The following SV2C variants were observed in gnomAD, a reference collection of about 807,000 sequenced individuals.
The protein encoded by SV2C is synaptic vesicle glycoprotein 2C.
Under a neutral mutation model 79.7 loss-of-function variants are expected in SV2C, and 49 were observed. The ratio of observed to expected loss-of-function variants is 0.61; its 90% CI spans 0.49 to 0.78. The LOEUF (loss-of-function observed/expected upper bound fraction) is 0.78, where lower values mean the gene tolerates loss of function less well. SV2C is among the 30% of genes least tolerant of loss of function. The pLI, the probability that SV2C is intolerant of heterozygous loss-of-function variation, is 0.00. For missense variants in SV2C, 833 were observed against 912.9 expected, an observed-to-expected ratio of 0.91 and a Z score of 1.13; for synonymous variants, 334 against 333.2, an observed-to-expected ratio of 1.00 and a Z score of -0.03.
chr5:75,913,661 G>C, the SV2C span, among the ~76,000 whole-genome samples: 1 of 152,176 alleles, frequency 6.6e-6, no homozygotes, highest in Non-Finnish European at 1.5e-5. Context: ...GAGACTTCTT[G>C]GCTCCCAGAG....
At chr5:76,198,909 A>G (rs1049246050) in intron 3 of SV2C, among the ~76,000 whole-genome samples, 4 of 152,204 alleles carry the variant, frequency 2.6e-5, no homozygotes, top group South Asian at 4.1e-4. Flanking sequence ...CAAGTTGCTT[A>G]CAGTCTGTAC....
chr5:75,973,338 A>T, the SV2C span, among the ~76,000 whole-genome samples: 412 of 127,648 alleles, frequency 3.2e-3, no homozygotes, highest in African/African-American at 0.011. Flanking sequence ...TAATAAAATA[A>T]AAAAAAATTA....
At chr5:76,218,737 C>CAA (rs1744977045) in intron 4 of SV2C, among the ~76,000 whole-genome samples, 1 of 45,888 alleles carries the variant, frequency 2.2e-5, no homozygotes, top group African/African-American at 8.7e-5. Context: ...GTACATTCCA[C>CAA]ACACATATCC....
At chr5:75,926,121 G>GA in the SV2C span, among the ~76,000 whole-genome samples, 1 of 152,074 alleles carries the variant, frequency 6.6e-6, no homozygotes, top group Non-Finnish European at 1.5e-5. Context: ...TATAAATTAG[G>GA]AAAAGAATTA....
the SV2C span, among the ~76,000 whole-genome samples, chr5:75,924,644 G>A: frequency 6.6e-6 from 1 of 151,980 alleles, no homozygotes; most frequent in African/African-American, 2.4e-5. Flanking sequence ...CTTAATATAT[G>A]ACAAAGTGGT....
At chr5:75,901,688 G>C in the SV2C span, among the ~76,000 whole-genome samples, 1 of 152,264 alleles carries the variant, frequency 6.6e-6, no homozygotes, top group Non-Finnish European at 1.5e-5. Flanking sequence ...CCTGCCCCCA[G>C]AGGTGGAGCC....
At chr5:76,251,694 C>T (rs548261175) in intron 4 of SV2C, among the ~76,000 whole-genome samples, 127 of 152,258 alleles carry the variant, frequency 8.3e-4, no homozygotes, top group African/African-American at 2.8e-3. Context: ...CTGATATAAG[C>T]GCCACACTTT....
intron 1 of SV2C, among the ~76,000 whole-genome samples, chr5:76,105,471 A>G (rs917821413): frequency 6.6e-6 from 1 of 152,084 alleles, no homozygotes; most frequent in East Asian, 1.9e-4. Flanking sequence ...GGTCCCTCAA[A>G]CCAGTTGAGT....
At chr5:76,031,190 ACTGATCAT>A in the SV2C span, among the ~76,000 whole-genome samples, 1 of 152,320 alleles carries the variant, frequency 6.6e-6, no homozygotes, top group Middle Eastern at 3.4e-3. Flanking sequence ...TCCCTACCAA[ACTGATCAT>A]CATTTGGTCC....
intron 4 of SV2C, among the ~76,000 whole-genome samples, chr5:76,231,171 A>G (rs904365115): frequency 2.2e-4 from 34 of 152,334 alleles, no homozygotes; most frequent in Admixed American, 3.3e-4. Context: ...TCAAAGACCT[A>G]AGTGTTACAG....
intron 1 of SV2C, among the ~76,000 whole-genome samples, chr5:76,086,680 C>A (rs1194511808): frequency 6.6e-6 from 1 of 152,202 alleles, no homozygotes; most frequent in African/African-American, 2.4e-5. Flanking sequence ...TGTTTTCAAT[C>A]TCTGCTTTGC....
At chr5:76,081,158 T>TA (rs1007492321), upstream of SV2C, among the ~76,000 whole-genome samples, 18 of 152,184 alleles carry the variant, frequency 1.2e-4, no homozygotes, top group African/African-American at 3.6e-4. Context: ...CAACCCACTT[T>TA]AAAAAAATAT....
chr5:75,867,908 G>A, the SV2C span, among the ~76,000 whole-genome samples: 1 of 152,346 alleles, frequency 6.6e-6, no homozygotes, highest in African/African-American at 2.4e-5. Flanking sequence ...CACATGCTAA[G>A]TACTGATGAT....
intron 2 of SV2C, among the ~76,000 whole-genome samples, chr5:76,188,538 G>T (rs1349489859): frequency 6.6e-6 from 1 of 152,086 alleles, no homozygotes; most frequent in East Asian, 1.9e-4. Context: ...GTGGTAAATG[G>T]TAGTAGAATG....
chr5:75,867,918 T>G, the SV2C span, among the ~76,000 whole-genome samples: 81 of 152,318 alleles, frequency 5.3e-4, no homozygotes, highest in Non-Finnish European at 1.0e-3. Flanking sequence ...GTACTGATGA[T>G]GAAGGCATAA....
chr5:76,353,846 C>G (rs1197202736), exon 13 of SV2C: 1 of 152,210 alleles, frequency 6.6e-6, no homozygotes, highest in African/African-American at 2.4e-5. Flanking sequence ...CTCATCATCA[C>G]CTGACATAAT....
chr5:76,173,657 C>T (rs753396970), intron 2 of SV2C: 28 of 1,613,380 alleles, frequency 1.7e-5, no homozygotes, highest in Non-Finnish European at 2.1e-5. Flanking sequence ...TGACTTTTTG[C>T]GAGCCTTCCC....
chr5:76,225,448 A>G, intron 4 of SV2C, among the ~76,000 whole-genome samples: 1 of 152,204 alleles, frequency 6.6e-6, no homozygotes, highest in East Asian at 1.9e-4. Flanking sequence ...AAGAGGTTGG[A>G]AAACAATGAG....
chr5:76,070,161 A>T, the SV2C span, among the ~76,000 whole-genome samples: 1 of 152,128 alleles, frequency 6.6e-6, no homozygotes, highest in Admixed American at 6.5e-5. Context: ...CCTGGAGAGG[A>T]GACAGTTCCT....
Sources: allele counts gnomAD v4.1 joint callset (sites outside exome capture counted in the v4.1 genomes callset), GRCh38; gene constraint gnomAD v4.1.1; transcripts MANE v1.5; gene names NCBI Gene and HGNC (gene_info 2026-07-23, HGNC 2026-07-21).